The following HOXA3 variants were observed in gnomAD, a reference collection of about 807,000 sequenced individuals.
HOXA3 encodes the protein homeobox A3, also known as homeobox protein Hox-A3.
In HOXA3, 8 loss-of-function variants were observed where a neutral mutation model predicts 30.3. The ratio of observed to expected loss-of-function variants is 0.26; its 90% CI spans 0.15 to 0.48. HOXA3 has a LOEUF of 0.48. Among genes scored for constraint, HOXA3 ranks in the 20% least tolerant of loss-of-function variants. HOXA3 has a pLI of 0.99. For missense variants in HOXA3, 653 were observed against 614.4 expected, an observed-to-expected ratio of 1.06 and a Z score of -0.66; for synonymous variants, 323 against 273.1, an observed-to-expected ratio of 1.18 and a Z score of -1.80.
chr7:27,130,880 C>G, intron 2 of HOXA3: 1 of 799,216 alleles, frequency 1.3e-6, no homozygotes, highest in South Asian at 1.5e-5. Context: ...CCACTCCTCC[C>G]CCTCCCGCAG....
At position 27,108,446 on chromosome 7, in the gene HOXA3, G is replaced by T. The variant is rs1784155875; in HGVS notation, c.801C>A (p.Ser267Arg). Residue 267 changes from serine (S) to arginine (R), a missense_variant, in exon 6 of 6, where the codon AGC becomes AGA. Coordinates refer to ENST00000612286, the MANE Select transcript of HOXA3 (RefSeq NM_153631.3). The surrounding 1 kb of genome is among the most constrained non-coding windows in gnomAD (Gnocchi z 5.0). ...AGCCACCGGCTCCGGGGGGCACGGG[G>T]CTGCGACTTGGAGACTGGCCCCCCG... ...TSSGGQSPSR[S>R]PVPPGAGGYL... 1 of 1,613,936 alleles carries T rather than the reference G, an allele frequency of 6.2e-7. No homozygotes were observed. The highest frequency in any genetic ancestry group is 8.5e-7 in the Non-Finnish European group (1 of 1,179,974).
chr7:27,133,200 T>C (rs1785614522), intron 2 of HOXA3, among the ~76,000 whole-genome samples: 2 of 152,364 alleles, frequency 1.3e-5, no homozygotes, highest in South Asian at 4.1e-4. Flanking sequence ...GCAAGATTTA[T>C]GGCTGTAATA....
chr7:27,142,864 G>T, intron 1 of HOXA3: 1 of 590,006 alleles, frequency 1.7e-6, no homozygotes, highest in East Asian at 3.1e-5. Flanking sequence ...ATTTGTGAGC[G>T]CAGGGTGCTC....
At chr7:27,143,215 G>A in intron 1 of HOXA3, 1 of 1,610,382 alleles carries the variant, frequency 6.2e-7, no homozygotes, top group African/African-American at 1.3e-5. Context: ...TGCTGCCGGC[G>A]TCGGCCGAGG....
Position 27,130,079 on chromosome 7 carries a change from C to G in HOXA3, c.-389-3009G>C, listed in dbSNP as rs563712719. The G allele has an allele frequency of 3.9e-6, 6 of 1,556,760 alleles. No individual in the cohort carries two copies. The African/African-American group carries it at 8.2e-5, about 21-fold the overall frequency. ...CCGACCCTCGAACCCAGGCCCAGCCCCGGCCCACCTCCCGCGCCTCCCAAG... is the reference window on the plus strand; with the variant it reads ...CCGACCCTCGAACCCAGGCCCAGCCGCGGCCCACCTCCCGCGCCTCCCAAG... On this transcript the variant is annotated intron_variant, in intron 2 of 5. Transcript: ENST00000612286.
At chr7:27,120,337 T>C (rs1417898916) in intron 4 of HOXA3, among the ~76,000 whole-genome samples, 1 of 151,736 alleles carries the variant, frequency 6.6e-6, no homozygotes, top group African/African-American at 2.4e-5. Flanking sequence ...GGTCAGCAGT[T>C]CGAGACCAGC....
intron 4 of HOXA3, chr7:27,121,075 G>A (rs1340074090): frequency 3.3e-5 from 5 of 152,208 alleles, no homozygotes; most frequent in Non-Finnish European, 5.9e-5. Flanking sequence ...TATTTGCAAG[G>A]CTGTTGGCAG....
chr7:27,114,479 T>C (rs1475793134), intron 4 of HOXA3, among the ~76,000 whole-genome samples: 1 of 151,734 alleles, frequency 6.6e-6, no homozygotes, highest in Non-Finnish European at 1.5e-5. Flanking sequence ...GGCTTTTCTC[T>C]AGAGACCCTC....
intron 1 of HOXA3, among the ~76,000 whole-genome samples, chr7:27,152,077 GGT>G (rs368928402): frequency 1.4e-4 from 21 of 151,556 alleles, no homozygotes; most frequent in East Asian, 9.7e-4. Flanking sequence ...GAAAGGGAGT[GGT>G]GTGTGTGTGT....
intron 1 of HOXA3, chr7:27,141,793 G>A: frequency 1.2e-6 from 2 of 1,600,946 alleles, no homozygotes; most frequent in Middle Eastern, 2.1e-4. Flanking sequence ...GACACTACGC[G>A]GGATCCGCTA....
chr7:27,147,736 A>C, intron 1 of HOXA3: 1 of 1,608,118 alleles, frequency 6.2e-7, no homozygotes, highest in Non-Finnish European at 8.5e-7. Context: ...GGGATTCACA[A>C]AATAGGAACT....
chr7:27,145,480 T>G, intron 1 of HOXA3: 1 of 766,824 alleles, frequency 1.3e-6, no homozygotes, highest in African/African-American at 2.0e-5. Context: ...TTGTTTTGTT[T>G]TGTTTTGTTT....
Position 27,108,341 on chromosome 7 carries a change from C to T in HOXA3, c.906G>A (p.Gln302=). The T allele has an allele frequency of 6.6e-7, 1 of 1,511,756 alleles. No homozygotes were observed. Among genetic ancestry groups the T allele is most frequent in the Non-Finnish European group, 9.0e-7 (1 of 1,114,742 alleles). 93.6% of individuals were successfully genotyped at this position (1,511,756 alleles called of 1,614,324 possible). The change falls in exon 6 of 6, where the codon CAG becomes CAA. Residue 302 remains glutamine (Q), a synonymous_variant. Coordinates refer to ENST00000612286, the MANE Select transcript of HOXA3 (RefSeq NM_153631.3). This position sits in a 1 kb window ranked among gnomAD's most constrained non-coding sequence, Gnocchi z 5.0. The stretch of plus-strand genomic sequence containing the variant: ...AGGCGGGGGGCAGCCCGTAGGTACC[C>T]TGGGGGGGCTTGGAGAAGGGCGGGG... ...QSPPPFSKPP[Q]GTYGLPPASY... is the part of the protein sequence containing the mutation.
intron 2 of HOXA3, chr7:27,129,661 G>T: frequency 7.3e-7 from 1 of 1,371,766 alleles, no homozygotes. Flanking sequence ...GGGTGGGGAA[G>T]AGCAATTGGA....
At chr7:27,139,351 G>A (rs567959243) in intron 2 of HOXA3, among the ~76,000 whole-genome samples, 94 of 152,232 alleles carry the variant, frequency 6.2e-4, no homozygotes, top group African/African-American at 2.2e-3. Flanking sequence ...ACACCAGGGT[G>A]GGGATCCTTG....
chr7:27,148,657 C>T (rs565768437), intron 1 of HOXA3, among the ~76,000 whole-genome samples: 2 of 152,368 alleles, frequency 1.3e-5, no homozygotes, highest in South Asian at 2.1e-4. Context: ...AGGCCAGAAA[C>T]CACTGGTTTC....
intron 1 of HOXA3, chr7:27,141,710 G>T: frequency 8.2e-7 from 1 of 1,216,842 alleles, no homozygotes; most frequent in Non-Finnish European, 1.2e-6. Flanking sequence ...ATTAAAAGAT[G>T]AATTAGGGCA....
chr7:27,120,520 C>G (rs1784951368), intron 4 of HOXA3, among the ~76,000 whole-genome samples: 1 of 123,084 alleles, frequency 8.1e-6, no homozygotes. Flanking sequence ...CAGCCTGGGA[C>G]AGAGCGCGAC....
At chr7:27,146,063 T>C in intron 1 of HOXA3, 1 of 909,932 alleles carries the variant, frequency 1.1e-6, no homozygotes, top group Non-Finnish European at 1.6e-6. Context: ...GCCCAAAGCA[T>C]ACTGAATGGG....
Sources: allele counts gnomAD v4.1 joint callset (sites outside exome capture counted in the v4.1 genomes callset), GRCh38; gene constraint gnomAD v4.1.1; non-coding constraint Gnocchi (gnomAD v3.1); transcripts MANE v1.5; gene names NCBI Gene and HGNC (gene_info 2026-07-23, HGNC 2026-07-21).